Variants in GPC6 observed in about 807,000 individuals in gnomAD.
The protein encoded by GPC6 is glypican-6.
A neutral mutation model predicts 55.2 loss-of-function variants in GPC6; 14 were observed. The observed-to-expected ratio is 0.25, with a 90% CI of 0.17 to 0.40. The LOEUF is 0.40. GPC6 is among the 10% of genes least tolerant of loss of function. The pLI is 1.00. For missense variants in GPC6, 641 were observed against 708.5 expected, an observed-to-expected ratio of 0.90 and a Z score of 1.08; for synonymous variants, 278 against 259.6, an observed-to-expected ratio of 1.07 and a Z score of -0.68.
At chr13:94,203,005 G>T (rs1889801033) in intron 4 of GPC6, among the ~76,000 whole-genome samples, 1 of 152,002 alleles carries the variant, frequency 6.6e-6, no homozygotes, top group African/African-American at 2.4e-5. Context: ...CAGATTCCTT[G>T]ATCAGATTAT....
chr13:93,951,808 C>A (rs867004198), intron 3 of GPC6, among the ~76,000 whole-genome samples: 1 of 152,022 alleles, frequency 6.6e-6, no homozygotes, highest in Non-Finnish European at 1.5e-5. Context: ...TATAAGAGAA[C>A]TTTCACCAGA....
intron 4 of GPC6, among the ~76,000 whole-genome samples, chr13:94,131,711 A>G (rs1022665342): frequency 1.3e-5 from 2 of 152,192 alleles, no homozygotes; most frequent in South Asian, 2.1e-4. Context: ...GCTTCATCCC[A>G]TAATAATTAT....
intron 2 of GPC6, among the ~76,000 whole-genome samples, chr13:93,710,813 G>A (rs1423223113): frequency 6.6e-6 from 1 of 151,242 alleles, no homozygotes; most frequent in Non-Finnish European, 1.5e-5. Context: ...AATTAAACTA[G>A]CCTATTTTCC....
At chr13:93,594,511 A>G (rs76287812) in intron 2 of GPC6, among the ~76,000 whole-genome samples, 1 of 151,984 alleles carries the variant, frequency 6.6e-6, no homozygotes, top group Non-Finnish European at 1.5e-5. Flanking sequence ...CCACTTATTC[A>G]TTCAAGATAT....
chr13:94,288,842 C>G (rs759293148), intron 5 of GPC6, among the ~76,000 whole-genome samples: 1 of 61,980 alleles, frequency 1.6e-5, no homozygotes, highest in Non-Finnish European at 3.2e-5. Flanking sequence ...TTATATATAA[C>G]AAATATATAT....
At chr13:93,628,120 TAGAA>T (rs1879281144) in intron 2 of GPC6, among the ~76,000 whole-genome samples, 1 of 152,210 alleles carries the variant, frequency 6.6e-6, no homozygotes, top group African/African-American at 2.4e-5. Flanking sequence ...TAAGAAAACT[TAGAA>T]AATCAAGGGA....
intron 2 of GPC6, among the ~76,000 whole-genome samples, chr13:93,591,357 G>A (rs1012944903): frequency 3.3e-5 from 5 of 151,790 alleles, no homozygotes; most frequent in Admixed American, 6.6e-5. Context: ...CCAGCTACTC[G>A]GGAGGCTGAG....
chr13:94,062,393 G>C (rs935848511), intron 4 of GPC6, among the ~76,000 whole-genome samples: 1 of 152,096 alleles, frequency 6.6e-6, no homozygotes, highest in African/African-American at 2.4e-5. Flanking sequence ...TGTGACTACA[G>C]GCATGTGCCA....
At chr13:93,670,843 A>G (rs1881328588) in intron 2 of GPC6, among the ~76,000 whole-genome samples, 2 of 152,216 alleles carry the variant, frequency 1.3e-5, no homozygotes. Flanking sequence ...TTGTTTCTGG[A>G]TGATTGTGAG....
intron 1 of GPC6, among the ~76,000 whole-genome samples, chr13:93,385,405 G>A (rs1216336583): frequency 1.3e-5 from 2 of 152,262 alleles, no homozygotes; most frequent in East Asian, 1.9e-4. Flanking sequence ...GCTTTAAGCA[G>A]AGGGTGACTT....
At chr13:93,589,731 A>T (rs1458215904) in intron 2 of GPC6, among the ~76,000 whole-genome samples, 1 of 152,212 alleles carries the variant, frequency 6.6e-6, no homozygotes, top group East Asian at 1.9e-4. Context: ...AAATGCATTT[A>T]TTGTGACCCT....
At chr13:93,669,921 A>T (rs1358688732) in intron 2 of GPC6, among the ~76,000 whole-genome samples, 1 of 152,212 alleles carries the variant, frequency 6.6e-6, no homozygotes, top group Non-Finnish European at 1.5e-5. Flanking sequence ...CCTACTTAAA[A>T]GTATTTAGCA....
At chr13:94,256,167 A>T (rs1048985531) in intron 4 of GPC6, among the ~76,000 whole-genome samples, 4 of 152,182 alleles carry the variant, frequency 2.6e-5, no homozygotes, top group African/African-American at 9.6e-5. Context: ...ATAAAACTTG[A>T]TGTTTTCTTC....
chr13:93,776,049 C>CTTTTTTTTTT (rs1594447083), intron 2 of GPC6, among the ~76,000 whole-genome samples: 1 of 22,382 alleles, frequency 4.5e-5, no homozygotes, highest in Non-Finnish European at 8.9e-5. Flanking sequence ...GTCTTTTTTT[C>CTTTTTTTTTT]TTTGTTTCTT....
At chr13:93,607,296 T>C (rs998891864) in intron 2 of GPC6, among the ~76,000 whole-genome samples, 2 of 152,238 alleles carry the variant, frequency 1.3e-5, no homozygotes, top group Non-Finnish European at 2.9e-5. Flanking sequence ...AATAACTGGA[T>C]ATAAAAATTG....
intron 1 of GPC6, among the ~76,000 whole-genome samples, chr13:93,490,553 T>C (rs1174279575): frequency 7.4e-6 from 1 of 135,530 alleles, no homozygotes; most frequent in African/African-American, 2.7e-5. Flanking sequence ...AGTTTTAGGG[T>C]ACATGTGCAC....
Position 94,345,385 on chromosome 13 carries a change from T to G in GPC6, c.1153-37029T>G, listed in dbSNP as rs1878236081. Among the ~76,000 whole-genome samples, 2 of 152,192 alleles carry G rather than the reference T, an allele frequency of 1.3e-5. 1 individual carries two copies. The highest frequency in any genetic ancestry group is 4.8e-5 in the African/African-American group (2 of 41,446). ...GGAAAAGAAAAAGTCATACTTACTT[T>G]GCAAAAGAATTTAAATAGCAAGCTC... On this transcript the variant is annotated intron_variant, in intron 6 of 8. Coordinates refer to ENST00000377047, the MANE Select transcript of GPC6 (RefSeq NM_005708.5).
intron 3 of GPC6, among the ~76,000 whole-genome samples, chr13:93,853,310 T>A (rs1888475995): frequency 6.6e-6 from 1 of 151,694 alleles, no homozygotes; most frequent in African/African-American, 2.4e-5. Flanking sequence ...TTACCACCAC[T>A]ATGGCAAAGG....
chr13:93,830,584 T>G, intron 3 of GPC6, 39 bp downstream of exon 3: 1 of 1,516,296 alleles, frequency 6.6e-7, no homozygotes, highest in Non-Finnish European at 9.0e-7. Flanking sequence ...TGGTGTTCCT[T>G]GTTTATTCTG....
Sources: allele counts gnomAD v4.1 joint callset (sites outside exome capture counted in the v4.1 genomes callset), GRCh38; gene constraint gnomAD v4.1.1; transcripts MANE v1.5; gene names NCBI Gene and HGNC (gene_info 2026-07-23, HGNC 2026-07-21).